Variants in SIPA1L2 observed in about 807,000 individuals in gnomAD.
SIPA1L2 encodes signal-induced proliferation-associated 1-like protein 2.
SIPA1L2 carries 56 observed loss-of-function variants against 163.9 expected under a neutral mutation model. That is an observed-to-expected ratio of 0.34 (90% CI 0.28 to 0.43). SIPA1L2 has a LOEUF of 0.43. Among genes scored for constraint, SIPA1L2 ranks in the 20% least tolerant of loss-of-function variants. The probability of loss-of-function intolerance (pLI) is 1.00; values close to 1 mark genes in which losing one functional copy is unlikely to be tolerated. For synonymous variants in SIPA1L2, 877 were observed against 865.7 expected (o/e 1.01, Z -0.23); for missense variants, 1,974 against 2,193.5 (o/e 0.90, Z 2.00).
intron 1 of SIPA1L2, among the ~76,000 whole-genome samples, chr1:232,597,985 T>C (rs1306056605): frequency 1.3e-5 from 2 of 152,220 alleles, no homozygotes; most frequent in African/African-American, 4.8e-5. Flanking sequence ...CAAGACTGAA[T>C]GTGAAACTAA....
chr1:232,479,867 T>C (rs1383548298), intron 6 of SIPA1L2, 137 bp from the exon 7 acceptor site: 2 of 656,626 alleles, frequency 3.0e-6, no homozygotes, highest in Non-Finnish European at 5.3e-6. Context: ...ATGCTGCCCA[T>C]CCAGCTTTCA....
intron 18 of SIPA1L2, among the ~76,000 whole-genome samples, chr1:232,421,773 C>T (rs1279836013): frequency 6.6e-6 from 1 of 152,168 alleles, no homozygotes; most frequent in Non-Finnish European, 1.5e-5. Context: ...ATTCTAAACT[C>T]TCCCACTCTC....
At chr1:232,587,076 T>G (rs1660700379) in intron 1 of SIPA1L2, among the ~76,000 whole-genome samples, 1 of 152,232 alleles carries the variant, frequency 6.6e-6, no homozygotes, top group Non-Finnish European at 1.5e-5. Flanking sequence ...TTATTACTTT[T>G]ATACTACAAA....
intron 6 of SIPA1L2, among the ~76,000 whole-genome samples, chr1:232,482,409 G>T (rs7543410): frequency 0.25 from 38,173 of 151,588 alleles, 4,947 homozygotes; most frequent in Admixed American, 0.35. Context: ...GCATCTCTAG[G>T]GGGTGAATGG....
At chr1:232,451,366 GT>G (rs1358008560) in intron 10 of SIPA1L2, among the ~76,000 whole-genome samples, 1 of 152,138 alleles carries the variant, frequency 6.6e-6, no homozygotes, top group African/African-American at 2.4e-5. Flanking sequence ...CACTTGGGGG[GT>G]TTTAGCAGAG....
Position 232,513,982 on chromosome 1 carries a change from G to T in SIPA1L2, c.1358C>A (p.Ala453Glu). 1 of 1,614,224 alleles carries T rather than the reference G, an allele frequency of 6.2e-7. No individual in the cohort carries two copies. The highest frequency in any genetic ancestry group is 8.5e-7 in the Non-Finnish European group (1 of 1,180,048). The change falls in exon 3 of 23, where the codon GCA becomes GAA. Residue 453 changes from alanine (A) to glutamate (E), a missense_variant. Ala to Glu is a moderately radical substitution (Grantham distance 107, BLOSUM62 -1). Around this residue, in one of 3 missense-constraint regions of SIPA1L2, gnomAD observed 607 missense variants for 624.0 expected, o/e 0.97. Transcript: ENST00000674635. ...ESSLSSHCTN[A>E]GVSVLEVPRE... ...GGGCACTTCCAAGACGGAGACACCTGCATTTGTGCAGTGAGAGCTGAGTGA... is the reference window on the plus strand; with the variant it reads ...GGGCACTTCCAAGACGGAGACACCTTCATTTGTGCAGTGAGAGCTGAGTGA...
rs1324788182 is a variant in SIPA1L2, at chr1:232,516,908, T to C, written c.-269-1300A>G. Among the ~76,000 whole-genome samples the C allele has an allele frequency of 3.9e-5, 6 of 152,208 alleles. No homozygotes were observed. In the East Asian group the frequency reaches 9.6e-4, roughly 24 times the overall value. On this transcript the variant is annotated intron_variant, in intron 2 of 22. Transcript: ENST00000674635. ...TTCATTCTTCTGCCAATGAGTAATA[T>C]AGCCTGTCATGAGTTTGGAAAATAT... is the stretch of plus-strand genomic sequence containing the variant.
intron 3 of SIPA1L2, among the ~76,000 whole-genome samples, chr1:232,496,032 T>C (rs767960457): frequency 3.3e-5 from 5 of 152,200 alleles, no homozygotes; most frequent in Non-Finnish European, 7.3e-5. Flanking sequence ...TTTATAAACG[T>C]AGTGTTGCCT....
intron 2 of SIPA1L2, among the ~76,000 whole-genome samples, chr1:232,559,264 C>T (rs540488645): frequency 1.3e-5 from 2 of 152,240 alleles, no homozygotes; most frequent in African/African-American, 4.8e-5. Context: ...GCAGCAGCAT[C>T]CCATTTAATA....
At chr1:232,547,580 GT>G (rs1370453543) in intron 2 of SIPA1L2, among the ~76,000 whole-genome samples, 18 of 148,048 alleles carry the variant, frequency 1.2e-4, no homozygotes, top group East Asian at 4.0e-4. Flanking sequence ...TGGGGGCTGG[GT>G]GGGGGCTGGG....
At chr1:232,488,913 T>C (rs1422156375) in intron 5 of SIPA1L2, among the ~76,000 whole-genome samples, 1 of 152,204 alleles carries the variant, frequency 6.6e-6, no homozygotes, top group Non-Finnish European at 1.5e-5. Context: ...AGAAGAAAGG[T>C]AGCCACATTC....
chr1:232,554,822 TA>T (rs1658604429), intron 2 of SIPA1L2, among the ~76,000 whole-genome samples: 1 of 152,220 alleles, frequency 6.6e-6, no homozygotes, highest in South Asian at 2.1e-4. Flanking sequence ...GGGGTACAAT[TA>T]TTTTTTATCA....
At chr1:232,418,515 C>T (rs543214552) in intron 18 of SIPA1L2, among the ~76,000 whole-genome samples, 8 of 152,336 alleles carry the variant, frequency 5.3e-5, no homozygotes, top group African/African-American at 1.4e-4. Flanking sequence ...TGAGTGGGCC[C>T]GGCTGCCCAC....
At chr1:232,458,758 T>C (rs1226423226) in intron 10 of SIPA1L2, among the ~76,000 whole-genome samples, 1 of 152,170 alleles carries the variant, frequency 6.6e-6, no homozygotes, top group African/African-American at 2.4e-5. Flanking sequence ...TGCTGGAAAA[T>C]GTACTATAAA....
intron 1 of SIPA1L2, among the ~76,000 whole-genome samples, chr1:232,620,025 C>A (rs532587979): frequency 6.6e-6 from 1 of 152,218 alleles, no homozygotes; most frequent in East Asian, 1.9e-4. Flanking sequence ...GCTGGGATTA[C>A]AGGCACGCGC....
At chr1:232,491,511 CATA>C (rs1291290232) in intron 4 of SIPA1L2, among the ~76,000 whole-genome samples, 2 of 152,068 alleles carry the variant, frequency 1.3e-5, no homozygotes, top group Non-Finnish European at 2.9e-5. Context: ...TTTAATTTTC[CATA>C]ATGACCATTC....
intron 2 of SIPA1L2, among the ~76,000 whole-genome samples, chr1:232,542,514 T>C (rs779406950): frequency 2.6e-5 from 4 of 152,166 alleles, no homozygotes; most frequent in East Asian, 1.9e-4. Flanking sequence ...TCTGTTCATG[T>C]CCAGTCTTTC....
chr1:232,420,874 C>G (rs1190783538), intron 18 of SIPA1L2, among the ~76,000 whole-genome samples: 1 of 152,130 alleles, frequency 6.6e-6, no homozygotes, highest in Non-Finnish European at 1.5e-5. Flanking sequence ...GTGGGTGGCA[C>G]AAGTGTGGGG....
chr1:232,581,239 T>G (rs958444551), intron 1 of SIPA1L2, among the ~76,000 whole-genome samples: 6 of 152,130 alleles, frequency 3.9e-5, no homozygotes, highest in Non-Finnish European at 8.8e-5. Flanking sequence ...GGCACACCAT[T>G]CCCTTAGCTC....
Sources: allele counts gnomAD v4.1 joint callset (sites outside exome capture counted in the v4.1 genomes callset), GRCh38; gene constraint gnomAD v4.1.1; regional missense constraint gnomAD v4.1.1; transcripts MANE v1.5; gene names NCBI Gene and HGNC (gene_info 2026-07-23, HGNC 2026-07-21).